MYEF2: variants seen among roughly 807,000 people sequenced by gnomAD.
MYEF2 encodes myelin expression factor 2.
MYEF2 carries 37 observed loss-of-function variants against 75.2 expected under a neutral mutation model. That is an observed-to-expected ratio of 0.49 (90% CI 0.38 to 0.65). The LOEUF is 0.65. MYEF2 is among the 30% of genes least tolerant of loss of function. The pLI, the probability that MYEF2 is intolerant of heterozygous loss-of-function variation, is 0.00. For synonymous variants in MYEF2, 195 were observed against 241.6 expected (o/e 0.81, Z 1.79); for missense variants, 634 against 771.4 (o/e 0.82, Z 2.11).
At chr15:48,176,573 A>C (rs2040528671) in intron 1 of MYEF2, among the ~76,000 whole-genome samples, 1 of 152,160 alleles carries the variant, frequency 6.6e-6, no homozygotes, top group African/African-American at 2.4e-5. Context: ...TAGATACCAA[A>C]CTTCCCCTAT....
chr15:48,163,516 A>G (rs78308450), intron 5 of MYEF2, among the ~76,000 whole-genome samples: 5 of 152,226 alleles, frequency 3.3e-5, no homozygotes, highest in Non-Finnish European at 7.4e-5. Context: ...GAAGCTACAG[A>G]AAGTTATCCA....
intron 16 of MYEF2, among the ~76,000 whole-genome samples, chr15:48,145,116 T>C (rs529798978): frequency 6.6e-6 from 1 of 151,962 alleles, no homozygotes; most frequent in South Asian, 2.1e-4. Context: ...ATTTTCTAGT[T>C]GACAAGTTCC....
intron 16 of MYEF2, among the ~76,000 whole-genome samples, chr15:48,144,739 C>A (rs1016257282): frequency 6.6e-6 from 1 of 151,406 alleles, no homozygotes; most frequent in Non-Finnish European, 1.5e-5. Flanking sequence ...AATGCTGGTA[C>A]CTGAAAAAAA....
chr15:48,151,972 A>G (rs2140844757), intron 11 of MYEF2, 30 bp from the exon 12 acceptor site: 1 of 1,601,708 alleles, frequency 6.2e-7, no homozygotes, highest in South Asian at 1.1e-5. Flanking sequence ...TTTGAGATCC[A>G]ACTGTCAGTC....
chr15:48,149,596 T>C lies in MYEF2; in HGVS notation c.1379-225A>G. 1 of 335,208 alleles carries C rather than the reference T, an allele frequency of 3.0e-6. No individual in the cohort carries two copies. Among genetic ancestry groups the C allele is most frequent in the Non-Finnish European group, 5.3e-6 (1 of 189,128 alleles). 20.8% of individuals were successfully genotyped at this position (335,208 alleles called of 1,614,324 possible). A position where few individuals can be genotyped will look rare whatever the true frequency, so the allele number is the denominator to read the frequency against. ...AGAATTTGCTTACATATACATTTAG[T>C]TAGCTGAGAAATTCTAGCCACTGTA... On this transcript the variant is annotated intron_variant, in intron 14 of 16. Transcript: ENST00000324324. This position sits in a 1 kb window ranked among gnomAD's most constrained non-coding sequence, Gnocchi z 4.0.
At chr15:48,159,937 T>C in intron 5 of MYEF2, 133 bp from the exon 6 acceptor site, 1 of 889,902 alleles carries the variant, frequency 1.1e-6, no homozygotes, top group Non-Finnish European at 1.6e-6. Flanking sequence ...GTGAGCTTTT[T>C]TCTCATCCAG....
chr15:48,154,851 T>A (rs911393442), intron 9 of MYEF2, among the ~76,000 whole-genome samples: 1 of 150,920 alleles, frequency 6.6e-6, no homozygotes, highest in African/African-American at 2.4e-5. Context: ...GAAAAAAAAA[T>A]AGTACAGAAC....
At chr15:48,158,340 A>G (rs1441234206) in intron 7 of MYEF2, 116 bp from the exon 8 acceptor site, 3 of 883,912 alleles carry the variant, frequency 3.4e-6, no homozygotes, top group Non-Finnish European at 5.2e-6. Context: ...AACATCTTTA[A>G]TACTTATTGA....
chr15:48,174,397 T>G (rs1369209360), intron 1 of MYEF2, among the ~76,000 whole-genome samples: 2 of 151,884 alleles, frequency 1.3e-5, no homozygotes, highest in African/African-American at 4.8e-5. Context: ...AATGATTTTT[T>G]TTTTTTTTGA....
At chr15:48,151,431 T>A (rs765163429) in intron 13 of MYEF2, 42 bp downstream of exon 13, 1 of 1,549,536 alleles carries the variant, frequency 6.5e-7, no homozygotes, top group African/African-American at 1.4e-5. Flanking sequence ...TCAAAAATTA[T>A]AGCCTACAAA....
In MYEF2 at chr15:48,151,313, GA is replaced by G. The variant is rs949860941; in HGVS notation, c.1307-143del. 60 of 996,622 alleles carry G rather than the reference GA, an allele frequency of 6.0e-5. 1 individual carries two copies. The Admixed American group carries it at 9.8e-4, about 16-fold the overall frequency. The allele number at this position is 996,622 out of a possible 1,614,324, so 61.7% of individuals were successfully genotyped here. On this transcript the variant is annotated intron_variant, in intron 13 of 16. Transcript: ENST00000324324. ...ATAGAGTTCAAATATGTAAGATGTT[GA>G]AAAAGAGAGCTAGCATATTAAAATC...
chr15:48,164,282 A>C (rs1186562605), intron 5 of MYEF2, among the ~76,000 whole-genome samples: 1 of 152,198 alleles, frequency 6.6e-6, no homozygotes, highest in East Asian at 1.9e-4. Flanking sequence ...CAAGATTTCA[A>C]TGGTGGATGT....
At chr15:48,164,111 C>G (rs1258263252) in intron 5 of MYEF2, among the ~76,000 whole-genome samples, 1 of 152,108 alleles carries the variant, frequency 6.6e-6, no homozygotes, top group African/African-American at 2.4e-5. Flanking sequence ...GACAGTGATT[C>G]CTCTGATAGA....
chr15:48,173,822 G>A (rs1787213998), intron 1 of MYEF2, among the ~76,000 whole-genome samples: 1 of 151,942 alleles, frequency 6.6e-6, no homozygotes, highest in East Asian at 1.9e-4. Context: ...ACTGAAAAAC[G>A]ATCAAACAAT....
rs1293242589 is a variant in MYEF2, at chr15:48,135,759, G to C, written c.*7149C>G. On this transcript the variant is annotated 3_prime_UTR_variant, in exon 17 of 17. Coordinates refer to ENST00000324324, the MANE Select transcript of MYEF2 (RefSeq NM_016132.5). ...CCATCTGGAGAACCATAACCTTGCAGCACGGCGTAATACCTGCTATCAAGA... is the reference window on the plus strand; with the variant it reads ...CCATCTGGAGAACCATAACCTTGCACCACGGCGTAATACCTGCTATCAAGA... The C allele has an allele frequency of 6.6e-6, 1 of 151,776 alleles. No individual in the cohort carries two copies. Among genetic ancestry groups the C allele is most frequent in the African/African-American group, 2.4e-5 (1 of 41,302 alleles). 9.4% of individuals were successfully genotyped at this position (151,776 alleles called of 1,614,324 possible).
At position 48,137,079 on chromosome 15, in the gene MYEF2, A is replaced by G; in HGVS notation, c.*5829T>C. 8.8e-7 allele frequency: 1 copy of G among 1,140,132 alleles called. No individual in the cohort carries two copies. The highest frequency in any genetic ancestry group is 1.2e-6 in the Non-Finnish European group (1 of 819,230). 70.6% of individuals were successfully genotyped at this position (1,140,132 alleles called of 1,614,324 possible). Reference sequence around the variant, plus strand: ...TATGTAAAAAAGACTGTGAAGACTCAGAAATGATAAAGACCAAGTCCCTAC... The same window carrying G: ...TATGTAAAAAAGACTGTGAAGACTCGGAAATGATAAAGACCAAGTCCCTAC... On this transcript the variant is annotated 3_prime_UTR_variant, in exon 17 of 17. Transcript: ENST00000324324.
chr15:48,174,860 T>C (rs1444470652), intron 1 of MYEF2, among the ~76,000 whole-genome samples: 1 of 152,044 alleles, frequency 6.6e-6, no homozygotes, highest in Non-Finnish European at 1.5e-5. Flanking sequence ...GGTACAGCCA[T>C]TATGGAAAAC....
intron 5 of MYEF2, among the ~76,000 whole-genome samples, chr15:48,160,021 T>C (rs933898895): frequency 6.6e-6 from 1 of 152,220 alleles, no homozygotes; most frequent in African/African-American, 2.4e-5. Context: ...AATTTTTTTT[T>C]CCAATCACTA....
chr15:48,155,373 C>G (rs1207444570), intron 9 of MYEF2, among the ~76,000 whole-genome samples: 1 of 151,972 alleles, frequency 6.6e-6, no homozygotes, highest in African/African-American at 2.4e-5. Context: ...ACCTACTAAG[C>G]TAGCTTAAAA....
Sources: gnomAD v4.1 joint callset for allele counts (sites outside exome capture counted in the v4.1 genomes callset) on GRCh38, gnomAD v4.1.1 for gene constraint, Gnocchi (gnomAD v3.1) non-coding constraint, MANE v1.5 for transcripts, NCBI Gene and HGNC (gene_info 2026-07-23, HGNC 2026-07-21) for gene names.